Variants in BAZ1B observed in about 807,000 individuals in gnomAD.
BAZ1B encodes the protein bromodomain adjacent to zinc finger domain 1B.
BAZ1B carries 22 observed loss-of-function variants against 153.8 expected under a neutral mutation model. The ratio of observed to expected loss-of-function variants is 0.14; its 90% CI spans 0.10 to 0.20. The LOEUF (loss-of-function observed/expected upper bound fraction) is 0.20, where lower values mean the gene tolerates loss of function less well. Among genes scored for constraint, BAZ1B ranks in the 10% least tolerant of loss-of-function variants. The pLI is 1.00. For missense variants in BAZ1B, 1,325 were observed against 1,799.3 expected (o/e 0.74, Z 4.77); for synonymous variants, 676 against 633.4 (o/e 1.07, Z -1.01).
At chr7:73,480,713 G>A (rs1195592987) in intron 6 of BAZ1B, among the ~76,000 whole-genome samples, 1 of 152,146 alleles carries the variant, frequency 6.6e-6, no homozygotes, top group Non-Finnish European at 1.5e-5. Context: ...CTAAAGACAA[G>A]TAGGTTAGGC....
chr7:73,482,821 G>T (rs1389631715), intron 6 of BAZ1B, among the ~76,000 whole-genome samples: 3 of 152,246 alleles, frequency 2.0e-5, no homozygotes, highest in East Asian at 3.9e-4. Flanking sequence ...TCTTAAAAAT[G>T]AAAGAAATGA....
chr7:73,441,857 C>T (rs1430447936), intron 19 of BAZ1B, 164 bp from the exon 20 acceptor site: 2 of 349,292 alleles, frequency 5.7e-6, no homozygotes, highest in East Asian at 1.0e-4. Context: ...ACCAGAGGGG[C>T]TTGGCACTGT....
intron 13 of BAZ1B, among the ~76,000 whole-genome samples, chr7:73,456,936 TCAAAAAAAAAAAAAAAAAA>T (rs1788224556): frequency 4.4e-5 from 2 of 44,952 alleles, no homozygotes; most frequent in African/African-American, 2.0e-4. Context: ...AGACTCTGTC[TCAAAAAAAAAAAAAAAAAA>T]AAAAAAAAAA....
intron 12 of BAZ1B, 122 bp downstream of exon 12, chr7:73,462,800 A>G: frequency 1.7e-6 from 2 of 1,144,130 alleles, no homozygotes; most frequent in Non-Finnish European, 2.6e-6. Context: ...CATGTCTTCC[A>G]AGACAAATCC....
In BAZ1B at chr7:73,489,265, C is replaced by A; in HGVS notation, c.820G>T (p.Val274Leu). 1 of 1,614,176 alleles carries A rather than the reference C, an allele frequency of 6.2e-7. No individual in the cohort carries two copies. Among genetic ancestry groups the A allele is most frequent in the Non-Finnish European group, 8.5e-7 (1 of 1,180,020 alleles). ...TATTTCTTCACCAATTCATCTTCTA[C>A]GACCCAAGGTGCATTTTCACCAGTA... ...AGTGENAPWVVEDELVKKYSL... is the reference protein window; with the variant it reads ...AGTGENAPWVLEDELVKKYSL... The change falls in exon 6 of 20, where the codon GTA (valine) becomes TTA (leucine). Residue 274 changes from valine (V) to leucine (L), a missense_variant. By Grantham distance (32) the Val-to-Leu change is conservative (BLOSUM62 1). This residue lies in a region of BAZ1B where 219 missense variants were observed against 248.2 expected (regional missense o/e 0.88). Transcript: ENST00000339594.
At chr7:73,495,176 G>C (rs1184232034) in intron 4 of BAZ1B, among the ~76,000 whole-genome samples, 1 of 152,134 alleles carries the variant, frequency 6.6e-6, no homozygotes, top group Non-Finnish European at 1.5e-5. Context: ...CCAGTTACTG[G>C]GGAGGCTGAA....
intron 16 of BAZ1B, among the ~76,000 whole-genome samples, chr7:73,446,265 T>C (rs1554566593): frequency 1.3e-5 from 2 of 152,152 alleles, no homozygotes; most frequent in Admixed American, 1.3e-4. Flanking sequence ...TTTTGATCTG[T>C]GGTCTGTTTT....
chr7:73,512,187 T>C lies in BAZ1B; in HGVS notation c.108-1335A>G, dbSNP rs148955838. 2.3e-3 allele frequency among the ~76,000 whole-genome samples: 352 copies of C among 152,140 alleles called. 2 individuals are homozygous for C. Among genetic ancestry groups the C allele is most frequent in the African/African-American group, 8.3e-3 (346 of 41,546 alleles). ...TCCACCTTGGAAACATGTTACTTCTTAGGGTTTACAAGCTTGTCCAACCTT... is the reference window on the plus strand; with the variant it reads ...TCCACCTTGGAAACATGTTACTTCTCAGGGTTTACAAGCTTGTCCAACCTT... On this transcript the variant is annotated intron_variant, in intron 1 of 19. Transcript: ENST00000339594.
At chr7:73,480,895 A>G (rs1789172909) in intron 6 of BAZ1B, among the ~76,000 whole-genome samples, 1 of 152,108 alleles carries the variant, frequency 6.6e-6, no homozygotes, top group African/African-American at 2.4e-5. Context: ...GTTTAGTAAA[A>G]TTAAATAAGC....
intron 5 of BAZ1B, among the ~76,000 whole-genome samples, chr7:73,490,607 A>AT (rs34937645): frequency 0.052 from 7,341 of 142,444 alleles, 201 homozygotes; most frequent in Non-Finnish European, 0.069. Context: ...AAAACTAAGC[A>AT]TTTTTTTTTT....
Position 73,440,542 on chromosome 7 carries a change from A to G in BAZ1B, c.*1167T>C, listed in dbSNP as rs1249453774. 3 of 151,946 alleles carry G rather than the reference A, an allele frequency of 2.0e-5. No homozygotes were observed. Among genetic ancestry groups the G allele is most frequent in the Non-Finnish European group, 2.9e-5 (2 of 67,996 alleles). The allele number at this position is 151,946 out of a possible 1,614,324, so 9.4% of individuals were successfully genotyped here. On this transcript the variant is annotated 3_prime_UTR_variant, in exon 20 of 20. Coordinates refer to ENST00000339594, the MANE Select transcript of BAZ1B (RefSeq NM_032408.4). The stretch of plus-strand genomic sequence containing the variant: ...CAACAAACAATTCAGGTGTCACTGA[A>G]GTGGGAACACAGGATTCTCACTATG...
At chr7:73,481,757 G>A (rs1267684106) in intron 6 of BAZ1B, among the ~76,000 whole-genome samples, 1 of 152,036 alleles carries the variant, frequency 6.6e-6, no homozygotes, top group African/African-American at 2.4e-5. Context: ...GTAATGTGTT[G>A]CCGGGCGGGG....
chr7:73,511,780 G>C (rs1170912855), intron 1 of BAZ1B, among the ~76,000 whole-genome samples: 1 of 150,510 alleles, frequency 6.6e-6, no homozygotes, highest in Non-Finnish European at 1.5e-5. Context: ...CAGAACTTTG[G>C]GAGTCCGAGG....
At chr7:73,509,073 G>C (rs1790467746) in intron 2 of BAZ1B, among the ~76,000 whole-genome samples, 1 of 151,002 alleles carries the variant, frequency 6.6e-6, no homozygotes, top group Non-Finnish European at 1.5e-5. Context: ...TGTAATCCTA[G>C]CACTTTGGGA....
intron 6 of BAZ1B, among the ~76,000 whole-genome samples, chr7:73,487,335 A>T (rs782080869): frequency 6.6e-6 from 1 of 152,136 alleles, no homozygotes; most frequent in Non-Finnish European, 1.5e-5. Context: ...AGACACAGGG[A>T]GGAGGATCAC....
chr7:73,487,716 A>G (rs558255724), intron 6 of BAZ1B, among the ~76,000 whole-genome samples: 46 of 152,344 alleles, frequency 3.0e-4, no homozygotes, highest in African/African-American at 8.2e-4. Context: ...CTCTGTGGCA[A>G]CAAAATGACA....
chr7:73,517,303 G>A (rs1364775687), intron 1 of BAZ1B, among the ~76,000 whole-genome samples: 1 of 151,998 alleles, frequency 6.6e-6, no homozygotes, highest in Admixed American at 6.6e-5. Context: ...GACCAGCCGG[G>A]GCAACTTTGC....
At chr7:73,520,210 C>CA (rs1158487602) in intron 1 of BAZ1B, among the ~76,000 whole-genome samples, 3,098 of 57,086 alleles carry the variant, frequency 0.054, 78 homozygotes, top group African/African-American at 0.088. Flanking sequence ...AACTCCGTCT[C>CA]AAAAAAAAAA....
chr7:73,461,218 T>C (rs1446413771), intron 12 of BAZ1B, among the ~76,000 whole-genome samples: 1 of 152,084 alleles, frequency 6.6e-6, no homozygotes, highest in East Asian at 1.9e-4. Flanking sequence ...TCAAGTGATC[T>C]GCCCACCTTG....
Sources: gnomAD v4.1 joint callset for allele counts (sites outside exome capture counted in the v4.1 genomes callset) on GRCh38, gnomAD v4.1.1 for gene constraint, gnomAD v4.1.1 regional missense constraint, MANE v1.5 for transcripts, NCBI Gene and HGNC (gene_info 2026-07-23, HGNC 2026-07-21) for gene names.